TENM1: variants seen among roughly 807,000 people sequenced by gnomAD.
TENM1 encodes the protein teneurin transmembrane protein 1, also known as teneurin-1.
A neutral mutation model predicts 174.8 loss-of-function variants in TENM1; 35 were observed. That is an observed-to-expected ratio of 0.20 (90% confidence interval 0.15 to 0.27). The LOEUF is 0.27. TENM1 is among the 10% of genes least tolerant of loss of function. TENM1 has a pLI of 1.00. For synonymous variants in TENM1, 781 were observed against 798.7 expected (o/e 0.98, Z 0.37); for missense variants, 1,633 against 2,130.1 (o/e 0.77, Z 4.59).
chrX:124,895,171 G>A (rs973830727), intron 2 of TENM1, among the ~76,000 whole-genome samples: 2 of 111,249 alleles, frequency 1.8e-5, no homozygotes, highest in African/African-American at 6.5e-5. Flanking sequence ...TCTGCCACCT[G>A]AAAAAGTACT....
chrX:124,943,834 T>C (rs1260303848), intron 1 of TENM1, among the ~76,000 whole-genome samples: 11 of 111,936 alleles, frequency 9.8e-5, no homozygotes, highest in Non-Finnish European at 2.1e-4. Flanking sequence ...ACCTATGTCT[T>C]GAATGGTATT....
chrX:124,728,145 GA>G lies in TENM1; in HGVS notation c.776+8811del, dbSNP rs199699191. 1.9e-4 allele frequency among the ~76,000 whole-genome samples: 20 copies of G among 103,342 alleles called. No homozygotes were observed. The South Asian group carries it at 4.9e-3, about 25-fold the overall frequency. The allele number at this position is 103,342 out of a possible 115,157, so 89.7% of individuals were successfully genotyped here. A position where few individuals can be genotyped will look rare whatever the true frequency, so the allele number is the denominator to read the frequency against. ...AGGGAAGAAAAAGAGACTTTCTGAAGAAAAAAAAAATCAAAGAATAAAAGAA... is the reference window on the plus strand; with the variant it reads ...AGGGAAGAAAAAGAGACTTTCTGAAGAAAAAAAAATCAAAGAATAAAAGAA... On this transcript the variant is annotated intron_variant, in intron 4 of 31. Coordinates refer to ENST00000422452, the Ensembl canonical transcript of TENM1.
intron 11 of TENM1, among the ~76,000 whole-genome samples, chrX:124,607,716 ACC>A (rs2050192779): frequency 9.0e-6 from 1 of 110,582 alleles, no homozygotes; most frequent in Non-Finnish European, 1.9e-5. Flanking sequence ...GAATGACAGG[ACC>A]TGATTTACAA....
At chrX:124,894,251 G>C (rs1295576050) in intron 3 of TENM1, 45 bp downstream of exon 6, 1 of 1,076,813 alleles carries the variant, frequency 9.3e-7, no homozygotes, top group Admixed American at 2.3e-5. Flanking sequence ...CCAGGGATGG[G>C]GTGAAGTAAA....
chrX:125,100,001 A>G, the TENM1 span, among the ~76,000 whole-genome samples: 1 of 111,530 alleles, frequency 9.0e-6, no homozygotes, highest in Non-Finnish European at 1.9e-5. Flanking sequence ...CTAGATTGAA[A>G]ACAGGATTCA....
intron 6 of TENM1, among the ~76,000 whole-genome samples, chrX:124,665,788 G>A (rs1426622740): frequency 8.9e-6 from 1 of 112,206 alleles, no homozygotes; most frequent in Non-Finnish European, 1.9e-5. Context: ...GAAGGGAACG[G>A]GAGTTTTGCC....
chrX:125,113,363 A>G, the TENM1 span, among the ~76,000 whole-genome samples: 1 of 111,433 alleles, frequency 9.0e-6, no homozygotes, highest in Non-Finnish European at 1.9e-5. Context: ...ACTAGCCACT[A>G]GCCATTACTA....
At chrX:124,821,414 G>T (rs1238871856) in intron 3 of TENM1, among the ~76,000 whole-genome samples, 1 of 111,680 alleles carries the variant, frequency 9.0e-6, no homozygotes, top group Non-Finnish European at 1.9e-5. Flanking sequence ...AAATTAGAAC[G>T]ATTAGAAAAA....
At chrX:124,648,350 T>C (rs1371003361) in intron 8 of TENM1, among the ~76,000 whole-genome samples, 1 of 112,478 alleles carries the variant, frequency 8.9e-6, no homozygotes, top group Non-Finnish European at 1.9e-5. Flanking sequence ...AGCCACCCTA[T>C]TATCAATTGA....
At chrX:124,978,416 CAT>C in the TENM1 span, among the ~76,000 whole-genome samples, 2 of 111,821 alleles carry the variant, frequency 1.8e-5, no homozygotes, top group Non-Finnish European at 3.8e-5. Flanking sequence ...TTGCATATAT[CAT>C]AGTGTTTTTT....
the TENM1 span, among the ~76,000 whole-genome samples, chrX:125,087,147 T>C: frequency 9.0e-6 from 1 of 110,933 alleles, no homozygotes; most frequent in Non-Finnish European, 1.9e-5. Flanking sequence ...ATAGGCAGGA[T>C]ATGTAAACTG....
intron 3 of TENM1, among the ~76,000 whole-genome samples, chrX:124,802,163 T>C (rs984459093): frequency 8.9e-6 from 1 of 111,945 alleles, no homozygotes; most frequent in East Asian, 2.8e-4. Flanking sequence ...TGGATAGGCA[T>C]TGTGAGCATT....
At chrX:124,487,577 C>G (rs1410695285) in intron 20 of TENM1, among the ~76,000 whole-genome samples, 1 of 111,901 alleles carries the variant, frequency 8.9e-6, no homozygotes, top group Admixed American at 9.5e-5. Context: ...CCTACTGAAT[C>G]AGAATCTTGG....
chrX:124,511,581 T>C (rs905273119), intron 18 of TENM1, among the ~76,000 whole-genome samples: 2 of 111,444 alleles, frequency 1.8e-5, no homozygotes, highest in Non-Finnish European at 3.8e-5. Context: ...TGACCCTCAG[T>C]TTCCCCCTCT....
At chrX:124,587,703 C>T (rs1444361839) in intron 11 of TENM1, among the ~76,000 whole-genome samples, 2 of 111,289 alleles carry the variant, frequency 1.8e-5, no homozygotes, top group African/African-American at 6.6e-5. Flanking sequence ...TCTAATTAAA[C>T]TAAGGAGCTT....
chrX:124,768,472 A>C (rs1462111893), intron 3 of TENM1, among the ~76,000 whole-genome samples: 1 of 112,030 alleles, frequency 8.9e-6, no homozygotes, highest in Non-Finnish European at 1.9e-5. Context: ...TTGGCACATT[A>C]TAAGTGTTTA....
the TENM1 span, among the ~76,000 whole-genome samples, chrX:125,139,582 G>C: frequency 8.1e-5 from 9 of 110,892 alleles, no homozygotes; most frequent in African/African-American, 3.0e-4. Context: ...CAGAATAAGA[G>C]ATGGCTAGGG....
intron 3 of TENM1, among the ~76,000 whole-genome samples, chrX:124,810,098 C>T (rs1188335782): frequency 9.0e-6 from 1 of 111,172 alleles, no homozygotes; most frequent in African/African-American, 3.3e-5. Context: ...GACAAACTCA[C>T]CTTTACATCA....
intron 3 of TENM1, among the ~76,000 whole-genome samples, chrX:124,889,486 A>T (rs1325518933): frequency 1.8e-5 from 2 of 111,310 alleles, no homozygotes; most frequent in East Asian, 5.6e-4. Flanking sequence ...GTTGAAGGAG[A>T]TGGGTTTCAA....
Sources: allele counts gnomAD v4.1 joint callset (sites outside exome capture counted in the v4.1 genomes callset), GRCh38; gene constraint gnomAD v4.1.1; transcripts MANE v1.5; gene names NCBI Gene and HGNC (gene_info 2026-07-23, HGNC 2026-07-21).